The following FBN1 variants were observed in gnomAD, a reference collection of about 807,000 sequenced individuals.
FBN1 encodes fibrillin-1.
A neutral mutation model predicts 365.1 loss-of-function variants in FBN1; 29 were observed. That is an observed-to-expected ratio of 0.08 (90% confidence interval 0.06 to 0.11). FBN1 has a LOEUF of 0.11. FBN1 is among the 10% of genes least tolerant of loss of function. The pLI is 1.00. For synonymous variants in FBN1, 1,210 were observed against 1,270.5 expected (o/e 0.95, Z 1.01); for missense variants, 2,476 against 3,703.2 (o/e 0.67, Z 8.60).
chr15:48,519,402 G>A (rs1034130679), intron 10 of FBN1, among the ~76,000 whole-genome samples: 3 of 152,176 alleles, frequency 2.0e-5, no homozygotes, highest in East Asian at 1.9e-4. Flanking sequence ...CTATGGAAGT[G>A]TAAAAAGCAT....
chr15:48,494,085 T>C, intron 23 of FBN1, 119 bp downstream of exon 23: 1 of 793,162 alleles, frequency 1.3e-6, no homozygotes, highest in East Asian at 2.5e-5. Flanking sequence ...TCTCATTATT[T>C]TTTTTCTCTG....
chr15:48,555,208 AAAATCTGTGCTCGGTT>A (rs1225421812), intron 6 of FBN1, among the ~76,000 whole-genome samples: 4 of 152,272 alleles, frequency 2.6e-5, no homozygotes, highest in Non-Finnish European at 4.4e-5. Flanking sequence ...CCCAGCCCTG[AAAATCTGTGCTCGGTT>A]AAAAACTGTC....
intron 7 of FBN1, among the ~76,000 whole-genome samples, chr15:48,536,452 G>A (rs2044014737): frequency 6.6e-6 from 1 of 152,098 alleles, no homozygotes; most frequent in South Asian, 2.1e-4. Flanking sequence ...AAGTTCATGG[G>A]TATTAGCTAA....
At chr15:48,435,477 A>C (rs187965453) in intron 53 of FBN1, among the ~76,000 whole-genome samples, 58 of 152,274 alleles carry the variant, frequency 3.8e-4, no homozygotes, top group Admixed American at 3.8e-3. Context: ...AAACTTACGT[A>C]AAATAAAAGA....
chr15:48,642,938 A>G (rs1326463799), intron 2 of FBN1: 1 of 152,228 alleles, frequency 6.6e-6, no homozygotes, highest in East Asian at 1.9e-4. Context: ...CATCCTGTTA[A>G]GCAACAAAGT....
At chr15:48,455,754 TG>T (rs1474454756) in intron 44 of FBN1, among the ~76,000 whole-genome samples, 6 of 152,238 alleles carry the variant, frequency 3.9e-5, no homozygotes, top group African/African-American at 1.4e-4. Flanking sequence ...ACTGAAAGCC[TG>T]GTGACAGGAA....
intron 40 of FBN1, among the ~76,000 whole-genome samples, chr15:48,465,168 T>C (rs905539349): frequency 3.9e-5 from 6 of 152,112 alleles, no homozygotes; most frequent in African/African-American, 1.4e-4. Context: ...TTTGAATACA[T>C]GAGCACCAAT....
chr15:48,483,959 CCAA>C lies in FBN1; in HGVS notation c.3713-19_3713-17del. ...TCATCGATGTCTGCAAAGAATAAAA[CCAA>C]CAACCACAGGTTGTTGATATTGGTT... On this transcript the variant is annotated splice_polypyrimidine_tract_variant and intron_variant, in intron 30 of 65. Coordinates refer to ENST00000316623, the MANE Select transcript of FBN1 (RefSeq NM_000138.5). 6.2e-7 allele frequency: 1 copy of C among 1,611,316 alleles called. No individual in the cohort carries two copies. Among genetic ancestry groups the C allele is most frequent in the Non-Finnish European group, 8.5e-7 (1 of 1,179,766 alleles).
At chr15:48,466,878 T>C (rs1363443165) in intron 38 of FBN1, among the ~76,000 whole-genome samples, 1 of 152,036 alleles carries the variant, frequency 6.6e-6, no homozygotes. Flanking sequence ...CACAACCTTC[T>C]TGAAGGCTCA....
rs8035078 is a variant in FBN1, at chr15:48,536,354, C to A, written c.736+1257G>T. Among the ~76,000 whole-genome samples, 3,567 of 152,160 alleles carry A rather than the reference C, an allele frequency of 0.023. 226 individuals carry two copies. In the East Asian group the frequency reaches 0.24, roughly 10 times the overall value. On this transcript the variant is annotated intron_variant, in intron 7 of 65. Coordinates refer to ENST00000316623, the MANE Select transcript of FBN1 (RefSeq NM_000138.5). ...AGGCAGTTCATTATCCCCACCCCCC[C>A]AATTCCATTAGCACCCTAACCTCTG...
chr15:48,428,107 G>T, intron 57 of FBN1: 2 of 640,320 alleles, frequency 3.1e-6, no homozygotes, highest in Admixed American at 5.1e-5. Flanking sequence ...GGGCTTCAAA[G>T]GCAGCCAAGA....
chr15:48,461,501 A>C (rs886257636), intron 42 of FBN1, among the ~76,000 whole-genome samples: 1 of 152,216 alleles, frequency 6.6e-6, no homozygotes, highest in Admixed American at 6.5e-5. Context: ...ATATTAGAAC[A>C]GCTCAGAAAA....
At chr15:48,480,110 A>G (rs991200935) in intron 32 of FBN1, among the ~76,000 whole-genome samples, 1 of 152,210 alleles carries the variant, frequency 6.6e-6, no homozygotes, top group Non-Finnish European at 1.5e-5. Flanking sequence ...CAGCCACTGC[A>G]CATGACCCAG....
At chr15:48,641,910 G>A (rs2140782027) in intron 2 of FBN1, 1 of 152,270 alleles carries the variant, frequency 6.6e-6, no homozygotes, top group Middle Eastern at 3.4e-3. Context: ...ATTGGGGTTT[G>A]CTTAAAATCT....
intron 22 of FBN1, among the ~76,000 whole-genome samples, chr15:48,494,794 C>A (rs922421439): frequency 5.3e-5 from 8 of 152,186 alleles, no homozygotes; most frequent in Non-Finnish European, 8.8e-5. Flanking sequence ...GGTTTCTTTA[C>A]ATCAATTAGC....
chr15:48,550,064 C>T (rs2044129692), intron 6 of FBN1, among the ~76,000 whole-genome samples: 2 of 152,212 alleles, frequency 1.3e-5, no homozygotes, highest in Non-Finnish European at 1.5e-5. Context: ...AACCTAAAGA[C>T]AATAAGCCTA....
chr15:48,637,179 C>G (rs895222713), intron 2 of FBN1, among the ~76,000 whole-genome samples: 1 of 152,144 alleles, frequency 6.6e-6, no homozygotes, highest in Non-Finnish European at 1.5e-5. Context: ...CTCAGACCAT[C>G]GTGGACTCTC....
chr15:48,518,622 T>C (rs1171964483), intron 10 of FBN1, among the ~76,000 whole-genome samples: 1 of 152,224 alleles, frequency 6.6e-6, no homozygotes, highest in Non-Finnish European at 1.5e-5. Flanking sequence ...TTTCTTCCTA[T>C]TTTTTACAGA....
chr15:48,528,689 C>T (rs1163727471), intron 8 of FBN1, among the ~76,000 whole-genome samples: 1 of 152,118 alleles, frequency 6.6e-6, no homozygotes, highest in Non-Finnish European at 1.5e-5. Flanking sequence ...TAGTGCACAC[C>T]TCCCTGAGTT....
Sources: allele counts gnomAD v4.1 joint callset (sites outside exome capture counted in the v4.1 genomes callset), GRCh38; gene constraint gnomAD v4.1.1; transcripts MANE v1.5; gene names NCBI Gene and HGNC (gene_info 2026-07-23, HGNC 2026-07-21).